Variants in SEMA6D observed in about 807,000 individuals in gnomAD.
SEMA6D encodes semaphorin 6D.
Under a neutral mutation model 106.6 loss-of-function variants are expected in SEMA6D, and 35 were observed. The observed-to-expected ratio is 0.33, with a 90% confidence interval of 0.25 to 0.44. The LOEUF is 0.44. Among genes scored for constraint, SEMA6D ranks in the 20% least tolerant of loss-of-function variants. The pLI, the probability that SEMA6D is intolerant of heterozygous loss-of-function variation, is 1.00. For missense variants in SEMA6D, 1,185 were observed against 1,345.9 expected, an observed-to-expected ratio of 0.88 and a Z score of 1.87; for synonymous variants, 499 against 487.7, an observed-to-expected ratio of 1.02 and a Z score of -0.31.
At chr15:47,722,035 C>T (rs1367026629) in intron 1 of SEMA6D, among the ~76,000 whole-genome samples, 1 of 152,132 alleles carries the variant, frequency 6.6e-6, no homozygotes. Flanking sequence ...AGTTAACACC[C>T]AGAACGGGAA....
intron 2 of SEMA6D, among the ~76,000 whole-genome samples, chr15:47,422,040 C>T (rs1289045518): frequency 1.3e-5 from 2 of 151,770 alleles, no homozygotes; most frequent in South Asian, 2.1e-4. Context: ...CTAGGAAGAC[C>T]GAAACTATTC....
At chr15:47,547,399 C>A (rs1347700190) in intron 3 of SEMA6D, among the ~76,000 whole-genome samples, 1 of 152,120 alleles carries the variant, frequency 6.6e-6, no homozygotes, top group African/African-American at 2.4e-5. Context: ...TTGGGAAAGA[C>A]CCTACTGCAG....
chr15:47,465,058 C>A (rs550405893), intron 2 of SEMA6D, among the ~76,000 whole-genome samples: 1 of 152,304 alleles, frequency 6.6e-6, no homozygotes, highest in East Asian at 1.9e-4. Context: ...CCTGACTCCC[C>A]TCACCACTCA....
intron 1 of SEMA6D, among the ~76,000 whole-genome samples, chr15:47,320,569 C>G (rs1015105912): frequency 1.3e-5 from 2 of 152,126 alleles, no homozygotes; most frequent in Non-Finnish European, 2.9e-5. Flanking sequence ...ACTTCTGCCC[C>G]CTTCTCCCTA....
At chr15:47,250,615 A>G (rs986378864) in intron 1 of SEMA6D, among the ~76,000 whole-genome samples, 1 of 152,250 alleles carries the variant, frequency 6.6e-6, no homozygotes, top group East Asian at 1.9e-4. Context: ...GCTCCTTTAA[A>G]TAGCAATTGC....
At chr15:47,234,374 A>T (rs1226991348) in intron 1 of SEMA6D, among the ~76,000 whole-genome samples, 3 of 152,036 alleles carry the variant, frequency 2.0e-5, no homozygotes, top group African/African-American at 7.2e-5. Flanking sequence ...CTTTTGGGAT[A>T]CAAATGGTTT....
chr15:47,736,527 A>G (rs1364793285), intron 1 of SEMA6D, among the ~76,000 whole-genome samples: 3 of 152,214 alleles, frequency 2.0e-5, no homozygotes, highest in Admixed American at 6.5e-5. Flanking sequence ...ACATATCCAG[A>G]TAGGAATTTA....
intron 2 of SEMA6D, among the ~76,000 whole-genome samples, chr15:47,465,318 A>C (rs567224217): frequency 3.9e-5 from 6 of 152,294 alleles, no homozygotes; most frequent in East Asian, 3.9e-4. Flanking sequence ...GGTTCTTAAT[A>C]ATAAGCCCCT....
At chr15:47,480,180 G>A (rs2043115594) in intron 3 of SEMA6D, among the ~76,000 whole-genome samples, 1 of 151,734 alleles carries the variant, frequency 6.6e-6, no homozygotes, top group Non-Finnish European at 1.5e-5. Flanking sequence ...CATTCTTATT[G>A]CACTTCCTGT....
chr15:47,537,411 G>A (rs2045204357), intron 3 of SEMA6D, among the ~76,000 whole-genome samples: 1 of 152,184 alleles, frequency 6.6e-6, no homozygotes, highest in African/African-American at 2.4e-5. Flanking sequence ...GGCTAAGTGG[G>A]AAGCAGTGCC....
intron 2 of SEMA6D, among the ~76,000 whole-genome samples, chr15:47,415,118 G>A (rs1333822151): frequency 6.6e-6 from 1 of 152,174 alleles, no homozygotes; most frequent in African/African-American, 2.4e-5. Flanking sequence ...GGTCAAAAAA[G>A]CATCTTCATC....
chr15:47,256,284 G>GTAGATC (rs572153280), intron 1 of SEMA6D, among the ~76,000 whole-genome samples: 212 of 152,242 alleles, frequency 1.4e-3, no homozygotes, highest in African/African-American at 4.9e-3. Flanking sequence ...CGTTAAACCT[G>GTAGATC]TAGATCAACT....
At chr15:47,613,398 T>G (rs1468708913) in intron 4 of SEMA6D, among the ~76,000 whole-genome samples, 1 of 152,120 alleles carries the variant, frequency 6.6e-6, no homozygotes, top group East Asian at 1.9e-4. Flanking sequence ...GAGGATACAG[T>G]AGTGAATGTG....
At chr15:47,428,230 T>C (rs566807807) in intron 2 of SEMA6D, among the ~76,000 whole-genome samples, 1 of 152,184 alleles carries the variant, frequency 6.6e-6, no homozygotes, top group East Asian at 1.9e-4. Flanking sequence ...TTAGCACATA[T>C]TATATACCCA....
At chr15:47,412,500 G>T (rs1198959343) in intron 2 of SEMA6D, 1 of 152,560 alleles carries the variant, frequency 6.6e-6, no homozygotes, top group South Asian at 2.1e-4. Context: ...AACAACGAAG[G>T]ACAGTAAATA....
At chr15:47,264,229 A>G (rs909933119) in intron 1 of SEMA6D, among the ~76,000 whole-genome samples, 1 of 152,124 alleles carries the variant, frequency 6.6e-6, no homozygotes, top group Non-Finnish European at 1.5e-5. Flanking sequence ...AGGGAAAATA[A>G]TTAATGGATC....
intron 1 of SEMA6D, among the ~76,000 whole-genome samples, chr15:47,348,727 C>CACACCACACAGAGAG (rs1450109233): frequency 1.8e-5 from 1 of 57,054 alleles, no homozygotes; most frequent in African/African-American, 5.0e-5. Context: ...ACCACACACA[C>CACACCACACAGAGAG]AGAGAGAGAG....
intron 1 of SEMA6D, among the ~76,000 whole-genome samples, chr15:47,319,490 T>G (rs570701873): frequency 1.3e-5 from 2 of 152,116 alleles, no homozygotes; most frequent in Admixed American, 6.5e-5. Flanking sequence ...AATGAATACA[T>G]TGGTCTCTAG....
Position 47,354,283 on chromosome 15 carries a change from T to C in SEMA6D, c.-238-58110T>C, listed in dbSNP as rs1479038557. ...GTGGAGATGACAAGAATTATATATA[T>C]ATATGGAATGAGAGAGAGCTTATAT... is the stretch of plus-strand genomic sequence containing the variant. On this transcript the variant is annotated intron_variant, in intron 1 of 19. Transcript: ENST00000558014. 3.0e-5 allele frequency among the ~76,000 whole-genome samples: 4 copies of C among 135,540 alleles called. No individual in the cohort carries two copies. The East Asian group carries it at 8.5e-4, about 29-fold the overall frequency. The allele number at this position is 135,540 out of a possible 152,430, so 88.9% of individuals were successfully genotyped here.
Sources: allele counts gnomAD v4.1 joint callset (sites outside exome capture counted in the v4.1 genomes callset), GRCh38; gene constraint gnomAD v4.1.1; transcripts MANE v1.5; gene names NCBI Gene and HGNC (gene_info 2026-07-23, HGNC 2026-07-21).